Variants in BTBD9 observed in about 807,000 individuals in gnomAD.
BTBD9 encodes BTB/POZ domain-containing protein 9.
A neutral mutation model predicts 64.3 loss-of-function variants in BTBD9; 49 were observed. That is an observed-to-expected ratio of 0.76 (90% CI 0.61 to 0.97). The LOEUF (loss-of-function observed/expected upper bound fraction) is 0.97, where lower values mean the gene tolerates loss of function less well. Ranked by LOEUF, BTBD9 falls within the 50% of genes least tolerant of loss-of-function variation. The pLI, the probability that BTBD9 is intolerant of heterozygous loss-of-function variation, is 0.00. For synonymous variants in BTBD9, 260 were observed against 274.7 expected (o/e 0.95, Z 0.53); for missense variants, 598 against 762.1 (o/e 0.78, Z 2.53).
intron 7 of BTBD9, among the ~76,000 whole-genome samples, chr6:38,339,571 G>A (rs1049256917): frequency 6.6e-6 from 1 of 152,140 alleles, no homozygotes; most frequent in Non-Finnish European, 1.5e-5. Flanking sequence ...AAGACGTTGG[G>A]AGGATACAAA....
chr6:38,477,459 A>G (rs886884981), intron 6 of BTBD9, among the ~76,000 whole-genome samples: 2 of 152,256 alleles, frequency 1.3e-5, no homozygotes, highest in East Asian at 1.9e-4. Context: ...GATGCTCAGA[A>G]GCAAGACTGT....
intron 6 of BTBD9, among the ~76,000 whole-genome samples, chr6:38,575,598 T>C (rs976125112): frequency 2.0e-5 from 3 of 152,186 alleles, no homozygotes; most frequent in Non-Finnish European, 4.4e-5. Flanking sequence ...CCTCAGTTAA[T>C]CTACAGAGAC....
intron 9 of BTBD9, among the ~76,000 whole-genome samples, chr6:38,204,111 A>G (rs1047257081): frequency 1.3e-5 from 2 of 152,204 alleles, no homozygotes; most frequent in Non-Finnish European, 2.9e-5. Context: ...GAACCCCTAT[A>G]TACTGCTTGT....
Position 38,351,780 on chromosome 6 carries a change from T to C in BTBD9, c.1155-6687A>G, listed in dbSNP as rs530866313. ...TCCCAAAGTGCTGGGATTACAGGCA[T>C]GAGCCACCGCCCCAGCCGTAATTGT... On this transcript the variant is annotated intron_variant, in intron 6 of 10. Transcript: ENST00000481247. 3.3e-5 allele frequency among the ~76,000 whole-genome samples: 5 copies of C among 152,204 alleles called. No homozygotes were observed. In the East Asian group the frequency reaches 5.8e-4, roughly 18 times the overall value.
intron 8 of BTBD9, among the ~76,000 whole-genome samples, chr6:38,264,901 C>T (rs2127540138): frequency 6.6e-6 from 1 of 152,218 alleles, no homozygotes; most frequent in Middle Eastern, 3.4e-3. Context: ...TGGGCCACGA[C>T]CTTTCAGGGC....
intron 6 of BTBD9, among the ~76,000 whole-genome samples, chr6:38,543,956 CAA>C (rs1191747441): frequency 4.2e-5 from 3 of 71,378 alleles, no homozygotes; most frequent in Non-Finnish European, 5.8e-5. Context: ...GACTCCGTCT[CAA>C]AAAAAAAAAA....
intron 1 of BTBD9, among the ~76,000 whole-genome samples, chr6:38,631,592 T>G (rs1351038207): frequency 6.6e-6 from 1 of 152,164 alleles, no homozygotes; most frequent in Admixed American, 6.5e-5. Context: ...CATGCAACCC[T>G]ATGAAATTTC....
At chr6:38,289,369 C>T (rs1335702245) in intron 7 of BTBD9, among the ~76,000 whole-genome samples, 1 of 152,038 alleles carries the variant, frequency 6.6e-6, no homozygotes, top group Non-Finnish European at 1.5e-5. Flanking sequence ...GTGAGACTCC[C>T]TCTCAAAAAA....
At chr6:38,295,041 C>T (rs1186665785) in intron 7 of BTBD9, among the ~76,000 whole-genome samples, 1 of 151,846 alleles carries the variant, frequency 6.6e-6, no homozygotes, top group South Asian at 2.1e-4. Flanking sequence ...TATCTTTTGC[C>T]TATTTTTCTA....
chr6:38,306,647 T>C (rs777369052), intron 7 of BTBD9, among the ~76,000 whole-genome samples: 3 of 152,180 alleles, frequency 2.0e-5, no homozygotes, highest in African/African-American at 4.8e-5. Flanking sequence ...GCCTCTAAAT[T>C]TAATTCAGGA....
At chr6:38,246,602 TA>T (rs200796873) in intron 9 of BTBD9, among the ~76,000 whole-genome samples, 52 of 144,456 alleles carry the variant, frequency 3.6e-4, no homozygotes, top group Admixed American at 4.8e-4. Context: ...GTTTGCCCTT[TA>T]AAAAAAAAAA....
intron 6 of BTBD9, among the ~76,000 whole-genome samples, chr6:38,356,668 T>C (rs1764740387): frequency 6.6e-6 from 1 of 152,186 alleles, no homozygotes; most frequent in Non-Finnish European, 1.5e-5. Flanking sequence ...CATGTCTGGT[T>C]GTCAGGAGGG....
intron 6 of BTBD9, among the ~76,000 whole-genome samples, chr6:38,398,068 C>T (rs1335753812): frequency 6.6e-6 from 1 of 152,100 alleles, no homozygotes; most frequent in Non-Finnish European, 1.5e-5. Flanking sequence ...GACTTTATGC[C>T]ATAGGTGAAG....
intron 6 of BTBD9, among the ~76,000 whole-genome samples, chr6:38,574,715 C>T (rs914383992): frequency 6.6e-6 from 1 of 152,148 alleles, no homozygotes; most frequent in Non-Finnish European, 1.5e-5. Flanking sequence ...TTTATGGATG[C>T]AGATACTAGG....
chr6:38,198,716 C>G (rs1762353277), intron 9 of BTBD9, among the ~76,000 whole-genome samples: 1 of 152,196 alleles, frequency 6.6e-6, no homozygotes, highest in African/African-American at 2.4e-5. Flanking sequence ...GGCAAGTAAA[C>G]ACAGCAAACT....
At chr6:38,208,822 C>G (rs1762739935) in intron 9 of BTBD9, among the ~76,000 whole-genome samples, 1 of 152,188 alleles carries the variant, frequency 6.6e-6, no homozygotes, top group South Asian at 2.1e-4. Flanking sequence ...TATTGAGACC[C>G]TCTATGTGTC....
intron 1 of BTBD9, among the ~76,000 whole-genome samples, chr6:38,622,447 T>C (rs1271927874): frequency 6.6e-6 from 1 of 152,164 alleles, no homozygotes; most frequent in Non-Finnish European, 1.5e-5. Context: ...CGTCCAGCTT[T>C]TAAAGCCACA....
At chr6:38,273,175 T>C (rs546149924) in intron 8 of BTBD9, among the ~76,000 whole-genome samples, 3 of 152,322 alleles carry the variant, frequency 2.0e-5, no homozygotes, top group Admixed American at 1.3e-4. Flanking sequence ...CTCTGTCCCT[T>C]TGTCAACATC....
intron 6 of BTBD9, among the ~76,000 whole-genome samples, chr6:38,504,218 G>GA (rs1772342824): frequency 6.6e-6 from 1 of 152,156 alleles, no homozygotes; most frequent in Non-Finnish European, 1.5e-5. Flanking sequence ...TACGGCTAGA[G>GA]AAAAATCACA....
Sources: allele counts gnomAD v4.1 joint callset (sites outside exome capture counted in the v4.1 genomes callset), GRCh38; gene constraint gnomAD v4.1.1; transcripts MANE v1.5; gene names NCBI Gene and HGNC (gene_info 2026-07-23, HGNC 2026-07-21).